HS6ST2: variants seen among roughly 807,000 people sequenced by gnomAD.
HS6ST2 encodes the protein heparan-sulfate 6-O-sulfotransferase 2.
HS6ST2 carries 17 observed loss-of-function variants against 33.0 expected under a neutral mutation model. That is an observed-to-expected ratio of 0.52 (90% CI 0.35 to 0.77). HS6ST2 has a LOEUF of 0.77. HS6ST2 is among the 30% of genes least tolerant of loss of function. The pLI is 0.01. For missense variants in HS6ST2, 519 were observed against 551.7 expected, an observed-to-expected ratio of 0.94 and a Z score of 0.59; for synonymous variants, 248 against 237.1, an observed-to-expected ratio of 1.05 and a Z score of -0.42.
intron 3 of HS6ST2, among the ~76,000 whole-genome samples, chrX:132,683,918 G>C (rs2063994540): frequency 9.1e-6 from 1 of 110,065 alleles, no homozygotes; most frequent in Admixed American, 9.9e-5. Flanking sequence ...AAGCGTACCT[G>C]TAATATGACC....
chrX:132,721,646 C>T (rs973459340), intron 2 of HS6ST2, among the ~76,000 whole-genome samples: 2 of 111,606 alleles, frequency 1.8e-5, no homozygotes, highest in African/African-American at 6.5e-5. Context: ...ATTCATTTCC[C>T]CCATCCATTG....
At chrX:132,960,336 C>T (rs892910050), upstream of HS6ST2, among the ~76,000 whole-genome samples, 1 of 110,419 alleles carries the variant, frequency 9.1e-6, no homozygotes, top group Admixed American at 9.6e-5. Flanking sequence ...CCTCTTTAGC[C>T]TACCCAATAG....
At chrX:132,916,996 A>C (rs920832412) in intron 2 of HS6ST2, among the ~76,000 whole-genome samples, 32 of 112,128 alleles carry the variant, frequency 2.9e-4, no homozygotes, top group African/African-American at 9.4e-4. Flanking sequence ...ATTGAAGTTC[A>C]TATCTAAAAT....
rs951945432 is a variant in HS6ST2 at position 132,839,346 on chromosome X, A to G, written c.947+117462T>C. 3.0e-5 allele frequency among the ~76,000 whole-genome samples: 3 copies of G among 100,110 alleles called. No homozygotes were observed. In the East Asian group the frequency reaches 9.9e-4, roughly 33 times the overall value. 86.9% of individuals were successfully genotyped at this position (100,110 alleles called of 115,157 possible). Reference sequence around the variant, plus strand: ...CACATGTATGTATATACACACACACACCGTGGCATACTATGCAACCATAAA... The same window carrying G: ...CACATGTATGTATATACACACACACGCCGTGGCATACTATGCAACCATAAA... On this transcript the variant is annotated intron_variant, in intron 2 of 4. Coordinates refer to ENST00000370833, the MANE Select transcript of HS6ST2 (RefSeq NM_001394073.1).
At chrX:132,812,643 T>C (rs1289492622) in intron 2 of HS6ST2, among the ~76,000 whole-genome samples, 2 of 108,674 alleles carry the variant, frequency 1.8e-5, no homozygotes, top group South Asian at 4.1e-4. Context: ...GGTTTTTGTG[T>C]TTGGTTTTGT....
At chrX:132,676,440 A>C (rs1371737153) in intron 3 of HS6ST2, among the ~76,000 whole-genome samples, 1 of 112,620 alleles carries the variant, frequency 8.9e-6, no homozygotes, top group Non-Finnish European at 1.9e-5. Flanking sequence ...TATGCTTGGG[A>C]AAGTTAGGGA....
chrX:132,716,451 T>G (rs1432831336), intron 2 of HS6ST2, among the ~76,000 whole-genome samples: 3 of 112,100 alleles, frequency 2.7e-5, no homozygotes, highest in Non-Finnish European at 5.6e-5. Context: ...CCTGGCTTGT[T>G]TTCCCTTCTG....
chrX:132,667,604 C>G (rs1432889560), intron 4 of HS6ST2: 1 of 112,071 alleles, frequency 8.9e-6, no homozygotes, highest in Non-Finnish European at 1.9e-5. Context: ...ACAGTGAACT[C>G]CTGCAAAGCC....
At chrX:132,716,276 G>A (rs1466037572) in intron 2 of HS6ST2, among the ~76,000 whole-genome samples, 1 of 112,117 alleles carries the variant, frequency 8.9e-6, no homozygotes, top group Non-Finnish European at 1.9e-5. Context: ...AAACGGGTTT[G>A]TCTATAACTT....
intron 2 of HS6ST2, among the ~76,000 whole-genome samples, chrX:132,730,825 T>C (rs1206639400): frequency 8.9e-6 from 1 of 112,294 alleles, no homozygotes; most frequent in Non-Finnish European, 1.9e-5. Flanking sequence ...TCTTCCAGAA[T>C]GGCAGAGCTG....
At chrX:132,958,028 G>T in intron 1 of HS6ST2, 147 bp downstream of exon 1, 1 of 527,243 alleles carries the variant, frequency 1.9e-6, no homozygotes, top group Non-Finnish European at 2.8e-6. Flanking sequence ...AATGCGCGCC[G>T]CACCCCTCCG....
In HS6ST2 at chrX:132,958,420, T is replaced by C. The variant is rs1471138658; in HGVS notation, c.183A>G (p.Gly61=). ...RAGPPRGVSH[G]FHTRPLLDKP... ...TGTCCAGGAGCGGCCGGGTGTGGAA[T>C]CCGTGAGACACACCCCTAGGAGGGC... The change falls in exon 1 of 5, where the codon GGA becomes GGG. Residue 61 remains glycine, a synonymous_variant. Transcript: ENST00000370833. 8.3e-7 allele frequency: 1 copy of C among 1,198,483 alleles called. No individual in the cohort carries two copies. The highest frequency in any genetic ancestry group is 1.7e-5 in the African/African-American group (1 of 57,740).
intron 2 of HS6ST2, among the ~76,000 whole-genome samples, chrX:132,711,235 G>A (rs1357232539): frequency 1.8e-5 from 2 of 111,871 alleles, no homozygotes; most frequent in African/African-American, 6.5e-5. Context: ...AGCTCCAGAT[G>A]TGGATTCATC....
At chrX:132,682,588 G>C (rs2063980811) in intron 3 of HS6ST2, among the ~76,000 whole-genome samples, 4 of 110,197 alleles carry the variant, frequency 3.6e-5, no homozygotes, top group Admixed American at 9.6e-5. Context: ...CTTCTCCTGG[G>C]ATTCTTAGAA....
chrX:132,706,488 A>G (rs916851577), intron 3 of HS6ST2, among the ~76,000 whole-genome samples: 6 of 112,023 alleles, frequency 5.4e-5, no homozygotes, highest in Non-Finnish European at 1.1e-4. Flanking sequence ...TATAGGAAAA[A>G]GAGAGAGAGA....
At chrX:132,844,809 T>C (rs2065736009) in intron 2 of HS6ST2, among the ~76,000 whole-genome samples, 1 of 111,509 alleles carries the variant, frequency 9.0e-6, no homozygotes, top group African/African-American at 3.2e-5. Flanking sequence ...AAAAATTATA[T>C]AGATAAAGAA....
chrX:132,709,992 A>C (rs1016501533), intron 2 of HS6ST2, among the ~76,000 whole-genome samples: 3 of 112,188 alleles, frequency 2.7e-5, no homozygotes, highest in Non-Finnish European at 1.9e-5. Flanking sequence ...TGTATAAATA[A>C]TTGATTTATA....
chrX:132,848,289 C>G (rs2065771357), intron 2 of HS6ST2, among the ~76,000 whole-genome samples: 2 of 112,442 alleles, frequency 1.8e-5, no homozygotes, highest in African/African-American at 6.4e-5. Context: ...AACCTGCCTT[C>G]CTCAGCACTG....
At chrX:132,663,091 A>G (rs762451567) in intron 4 of HS6ST2, among the ~76,000 whole-genome samples, 21 of 112,229 alleles carry the variant, frequency 1.9e-4, no homozygotes, top group Admixed American at 9.4e-5. Flanking sequence ...CCAATGAGGT[A>G]GGTACAAAGT....
Sources: allele counts gnomAD v4.1 joint callset (sites outside exome capture counted in the v4.1 genomes callset), GRCh38; gene constraint gnomAD v4.1.1; transcripts MANE v1.5; gene names NCBI Gene and HGNC (gene_info 2026-07-23, HGNC 2026-07-21).